Variants in ZNF655 observed in about 807,000 individuals in gnomAD.
The protein encoded by ZNF655 is Vav-interacting Kruppel-like protein 1.
Under a neutral mutation model 6.6 loss-of-function variants are expected in ZNF655, and 3 were observed. The ratio of observed to expected loss-of-function variants is 0.46; its 90% CI spans 0.21 to 1.18. The LOEUF (loss-of-function observed/expected upper bound fraction) is 1.18. ZNF655 is among the 50% of genes most tolerant of loss of function. ZNF655 has a pLI of 0.24. For missense variants in ZNF655, 526 were observed against 572.3 expected, an observed-to-expected ratio of 0.92 and a Z score of 0.83; for synonymous variants, 178 against 195.0, an observed-to-expected ratio of 0.91 and a Z score of 0.73.
chr7:99,564,366 A>G (rs1217400243), intron 2 of ZNF655: 10 of 1,103,024 alleles, frequency 9.1e-6, no homozygotes, highest in South Asian at 3.0e-5. Flanking sequence ...CCTGCCCCGT[A>G]TGGTGCCTAA....
In ZNF655 at chr7:99,572,596, A is replaced by T. The variant is rs940832335; in HGVS notation, c.488A>T (p.Asp163Val). Residue 163 changes from aspartate to valine, a missense_variant, in exon 3 of 3, where the codon GAC (aspartate) becomes GTC (valine). By Grantham distance (152) the Asp-to-Val change is radical (BLOSUM62 -3). Transcript: ENST00000252713. ...AATACCGATGACAATGATAAGTATG[A>T]CATGAGCTTCAACCAGAATTCAGCC... ...IQNTDDNDKY[D>V]MSFNQNSASG... 7.4e-6 allele frequency: 12 copies of T among 1,613,678 alleles called. No homozygotes were observed. The African/African-American group carries it at 1.6e-4, about 22-fold the overall frequency.
intron 2 of ZNF655, among the ~76,000 whole-genome samples, chr7:99,572,009 T>G (rs1804113803): frequency 6.6e-6 from 1 of 152,192 alleles, no homozygotes; most frequent in South Asian, 2.1e-4. Flanking sequence ...TCTAAAATTC[T>G]TTCAGCTGTT....
At chr7:99,567,888 G>A (rs1290707) in intron 2 of ZNF655, among the ~76,000 whole-genome samples, 1 of 151,612 alleles carries the variant, frequency 6.6e-6, no homozygotes, top group Non-Finnish European at 1.5e-5. Flanking sequence ...GTGAAACCCC[G>A]TCTCTACTAA....
intron 1 of ZNF655, among the ~76,000 whole-genome samples, chr7:99,559,571 T>G (rs1356575337): frequency 6.6e-6 from 1 of 152,130 alleles, no homozygotes; most frequent in Non-Finnish European, 1.5e-5. Flanking sequence ...CAATCATAAC[T>G]AGCATTTTTC....
At chr7:99,565,201 C>T (rs1366606651) in intron 2 of ZNF655, among the ~76,000 whole-genome samples, 1 of 151,344 alleles carries the variant, frequency 6.6e-6, no homozygotes, top group Non-Finnish European at 1.5e-5. Flanking sequence ...CGGAGTCTTG[C>T]TCTGTTGCCC....
At chr7:99,567,281 C>T (rs966084447) in intron 2 of ZNF655, among the ~76,000 whole-genome samples, 3 of 152,164 alleles carry the variant, frequency 2.0e-5, no homozygotes, top group Non-Finnish European at 4.4e-5. Flanking sequence ...CACATGTAAT[C>T]CCAGCACTTT....
At chr7:99,563,701 T>C (rs1803392057) in intron 2 of ZNF655, among the ~76,000 whole-genome samples, 1 of 152,130 alleles carries the variant, frequency 6.6e-6, no homozygotes, top group South Asian at 2.1e-4. Context: ...CTTTTCTTTT[T>C]TTTTTTTCCG....
chr7:99,572,299 A>G lies in ZNF655; in HGVS notation c.191A>G (p.Glu64Gly), dbSNP rs778248482. Reference protein sequence around the residue: ...KLLIPKQKISEEVHSYKVRVG... With the variant: ...KLLIPKQKISGEVHSYKVRVG... ...TTGATTCCTAAGCAGAAAATTTCGGAAGAAGTGCATTCATACAAAGTGAGA... is the reference window on the plus strand; with the variant it reads ...TTGATTCCTAAGCAGAAAATTTCGGGAGAAGTGCATTCATACAAAGTGAGA... The change falls in exon 3 of 3, where the codon GAA (glutamate) becomes GGA (glycine). Residue 64 changes from glutamate to glycine, a missense_variant. Coordinates refer to ENST00000252713, the MANE Select transcript of ZNF655 (RefSeq NM_138494.3). 1.2e-5 allele frequency: 19 copies of G among 1,612,194 alleles called. No homozygotes were observed. The highest frequency in any genetic ancestry group is 2.7e-5 in the African/African-American group (2 of 74,876).
chr7:99,563,967 C>G, intron 2 of ZNF655: 1 of 1,614,046 alleles, frequency 6.2e-7, no homozygotes, highest in South Asian at 1.1e-5. Context: ...ACTTGCCGTC[C>G]TTACAGCAGG....
intron 2 of ZNF655, chr7:99,562,003 A>C: frequency 1.3e-6 from 2 of 1,528,462 alleles, no homozygotes; most frequent in Non-Finnish European, 1.8e-6. Flanking sequence ...GCTTTTCCTC[A>C]GGGACTATTG....
chr7:99,573,933 A>C lies in ZNF655; in HGVS notation c.*349A>C. The C allele has an allele frequency of 4.2e-6, 1 of 239,236 alleles. No individual in the cohort carries two copies. The highest frequency in any genetic ancestry group is 8.1e-6 in the Non-Finnish European group (1 of 123,122). The allele number at this position is 239,236 out of a possible 1,614,324, so 14.8% of individuals were successfully genotyped here. On this transcript the variant is annotated 3_prime_UTR_variant, in exon 3 of 3. Transcript: ENST00000252713. ...AAATTCCATTGCTGCAATGAATGTG[A>C]AAAAGCCATCAGTCAAAGAAACTAC...
intron 2 of ZNF655, chr7:99,570,226 A>G (rs1252394256): frequency 6.6e-6 from 1 of 152,208 alleles, no homozygotes; most frequent in East Asian, 1.9e-4. Flanking sequence ...GTTGCAAATT[A>G]TGTTATTGGA....
rs752626820 is a variant in ZNF655, at chr7:99,572,826, T to C, written c.718T>C (p.Tyr240His). Reference sequence around the variant, plus strand: ...GAGAATCCATACTAGAGAGAAGCCCTACAAATGTAAAGAATGTGAAAAGTC... The same window carrying C: ...GAGAATCCATACTAGAGAGAAGCCCCACAAATGTAAAGAATGTGAAAAGTC... ...HQRIHTREKP[Y>H]KCKECEKSFS... The change falls in exon 3 of 3, where the codon TAC (tyrosine) becomes CAC (histidine). Residue 240 changes from tyrosine to histidine, a missense_variant. Physicochemically the swap from Tyr to His is moderately conservative, Grantham distance 83 (BLOSUM62 2). Transcript: ENST00000252713. The C allele has an allele frequency of 6.2e-7, 1 of 1,614,042 alleles. No homozygotes were observed. Among genetic ancestry groups the C allele is most frequent in the South Asian group, 1.1e-5 (1 of 91,064 alleles).
At chr7:99,565,098 A>G (rs571317127) in intron 2 of ZNF655, among the ~76,000 whole-genome samples, 6 of 152,284 alleles carry the variant, frequency 3.9e-5, no homozygotes, top group African/African-American at 1.4e-4. Flanking sequence ...TCTGATTTTT[A>G]ACAAAAATTG....
Position 99,572,411 on chromosome 7 carries a change from A to T in ZNF655, c.303A>T (p.Glu101Asp). The T allele has an allele frequency of 6.2e-7, 1 of 1,613,766 alleles. No homozygotes were observed. Among genetic ancestry groups the T allele is most frequent in the Non-Finnish European group, 8.5e-7 (1 of 1,179,902 alleles). Residue 101 changes from glutamate to aspartate, a missense_variant, in exon 3 of 3, where the codon GAA becomes GAT. By Grantham distance (45) the Glu-to-Asp change is conservative (BLOSUM62 2). Transcript: ENST00000252713. ...AGGACAGATTAGAAAGACTTCAGGA[A>T]ATTCTAAGGAAATTTCTGTACCTGG... ...KSEDRLERLQ[E>D]ILRKFLYLER...
rs1225563652 is a variant in ZNF655, at chr7:99,573,405, G to A, written c.1297G>A (p.Glu433Lys). 2.5e-6 allele frequency: 4 copies of A among 1,614,144 alleles called. No individual in the cohort carries two copies. The East Asian group carries it at 6.7e-5, about 27-fold the overall frequency. Residue 433 changes from glutamate to lysine, a missense_variant, in exon 3 of 3, where the codon GAG becomes AAG. By Grantham distance (56) the Glu-to-Lys change is moderately conservative (BLOSUM62 1). Coordinates refer to ENST00000252713, the MANE Select transcript of ZNF655 (RefSeq NM_138494.3). Reference protein sequence around the residue: ...LIQHHKMHRKEKSYECNEYEG... With the variant: ...LIQHHKMHRKKKSYECNEYEG... ...TCAGCATCACAAAATGCATAGGAAA[G>A]AGAAATCGTATGAATGTAATGAGTA...
intron 2 of ZNF655, among the ~76,000 whole-genome samples, chr7:99,563,475 C>G (rs183946280): frequency 6.6e-6 from 1 of 152,020 alleles, no homozygotes; most frequent in Non-Finnish European, 1.5e-5. Context: ...TGGGCCACCA[C>G]GCCCGCCTAA....
At chr7:99,559,394 A>G (rs970238940) in intron 1 of ZNF655, among the ~76,000 whole-genome samples, 1 of 151,036 alleles carries the variant, frequency 6.6e-6, no homozygotes, top group Non-Finnish European at 1.5e-5. Context: ...ATTTATTTAA[A>G]TGAGTTTATT....
rs1414336676 is a variant in ZNF655, at chr7:99,571,913, C to A, written c.137-332C>A. 5 of 650,808 alleles carry A rather than the reference C, an allele frequency of 7.7e-6. No homozygotes were observed. In the Admixed American group the frequency reaches 1.5e-4, roughly 19 times the overall value. 40.3% of individuals were successfully genotyped at this position (650,808 alleles called of 1,614,324 possible). A position where few individuals can be genotyped will look rare whatever the true frequency, so the allele number is the denominator to read the frequency against. On this transcript the variant is annotated intron_variant, in intron 2 of 2. Coordinates refer to ENST00000252713, the MANE Select transcript of ZNF655 (RefSeq NM_138494.3). The stretch of plus-strand genomic sequence containing the variant: ...GTGTGTGTCCTAGCATGGAGAGTTC[C>A]TTCCTTTTCCCTTCAGTTAGGTTGA...
Sources: allele counts gnomAD v4.1 joint callset (sites outside exome capture counted in the v4.1 genomes callset), GRCh38; gene constraint gnomAD v4.1.1; transcripts MANE v1.5; gene names NCBI Gene and HGNC (gene_info 2026-07-23, HGNC 2026-07-21).